EMSY: variants seen among roughly 807,000 people sequenced by gnomAD.
The protein encoded by EMSY is EMSY transcriptional repressor, BRCA2 interacting.
EMSY carries 26 observed loss-of-function variants against 134.6 expected under a neutral mutation model. The observed-to-expected ratio is 0.19, with a 90% CI of 0.14 to 0.27. The LOEUF (loss-of-function observed/expected upper bound fraction) is 0.27, where lower values mean the gene tolerates loss of function less well. EMSY is among the 10% of genes least tolerant of loss of function. The probability of loss-of-function intolerance (pLI) is 1.00; values close to 1 mark genes in which losing one functional copy is unlikely to be tolerated. For missense variants in EMSY, 1,305 were observed against 1,611.4 expected, an observed-to-expected ratio of 0.81 and a Z score of 3.26; for synonymous variants, 579 against 577.8, an observed-to-expected ratio of 1.00 and a Z score of -0.03.
At chr11:76,533,336 A>G (rs1170794882) in intron 14 of EMSY, among the ~76,000 whole-genome samples, 1 of 152,122 alleles carries the variant, frequency 6.6e-6, no homozygotes, top group Non-Finnish European at 1.5e-5. Context: ...TGGATTAAGG[A>G]AAAGAATTGG....
At chr11:76,458,751 G>C (rs1947981335) in intron 5 of EMSY, 2 of 157,400 alleles carry the variant, frequency 1.3e-5, no homozygotes, top group South Asian at 3.8e-4. Flanking sequence ...TCATTTTCTG[G>C]AATCAGTGAT....
chr11:76,541,836 A>G (rs1951452246), intron 17 of EMSY, among the ~76,000 whole-genome samples: 1 of 152,226 alleles, frequency 6.6e-6, no homozygotes, highest in East Asian at 1.9e-4. Flanking sequence ...ACAGAAATTG[A>G]TTACTGCTTT....
At chr11:76,507,872 T>C (rs1349941277) in intron 9 of EMSY, among the ~76,000 whole-genome samples, 3 of 147,908 alleles carry the variant, frequency 2.0e-5, no homozygotes, top group Non-Finnish European at 3.0e-5. Flanking sequence ...TTTCTTTTTT[T>C]TTTTTTTCTT....
chr11:76,521,006 A>G (rs944015677), intron 11 of EMSY, among the ~76,000 whole-genome samples: 1 of 152,224 alleles, frequency 6.6e-6, no homozygotes, highest in East Asian at 1.9e-4. Context: ...CAAAAGTAGC[A>G]TTGGAATTTG....
chr11:76,517,498 A>C (rs1264379007), intron 11 of EMSY, among the ~76,000 whole-genome samples: 1 of 152,132 alleles, frequency 6.6e-6, no homozygotes, highest in African/African-American at 2.4e-5. Flanking sequence ...TTTCATTGGT[A>C]GGTAGTTTTT....
chr11:76,533,750 A>G (rs142046280), intron 14 of EMSY, among the ~76,000 whole-genome samples: 158 of 152,294 alleles, frequency 1.0e-3, no homozygotes, highest in African/African-American at 3.8e-3. Flanking sequence ...CAGTGCAGAA[A>G]GACATCTGAG....
At chr11:76,528,640 T>G (rs1164601723) in intron 14 of EMSY, among the ~76,000 whole-genome samples, 174 bp downstream of exon 15, 2 of 151,858 alleles carry the variant, frequency 1.3e-5, no homozygotes, top group Admixed American at 6.6e-5. Flanking sequence ...GAAATTTTAT[T>G]TTTGGTAAAG....
Position 76,477,874 on chromosome 11 carries a change from T to C in EMSY, c.1108+5034T>C, listed in dbSNP as rs1209354494. Among the ~76,000 whole-genome samples, 6 of 152,212 alleles carry C rather than the reference T, an allele frequency of 3.9e-5. No homozygotes were observed. The East Asian group carries it at 1.2e-3, about 29-fold the overall frequency. On this transcript the variant is annotated intron_variant, in intron 8 of 20. Coordinates refer to ENST00000334736, the Ensembl canonical transcript of EMSY. ...TAGATTAATTGTTGCTACTGTTTTT[T>C]TTCTTTTACTTTGGTGAGAAAAATT...
intron 12 of EMSY, among the ~76,000 whole-genome samples, chr11:76,523,704 CTTTTTT>C (rs746491659): frequency 1.2e-5 from 1 of 80,536 alleles, no homozygotes; most frequent in Non-Finnish European, 2.3e-5. Context: ...TTGTTACTTT[CTTTTTT>C]TTTTTTTTTT....
exon 7 of EMSY, chr11:76,464,013 A>T (rs565642406): frequency 2.5e-6 from 4 of 1,614,194 alleles, no homozygotes; most frequent in Non-Finnish European, 3.4e-6. Context: ...TTACCACCCC[A>T]CATGTCTCCT....
rs760444278 is a variant in EMSY at position 76,549,924 on chromosome 11, A to G, written c.3775-28A>G. On this transcript the variant is annotated intron_variant, in intron 20 of 20. Transcript: ENST00000334736. Reference sequence around the variant, plus strand: ...TTATTCTGCTACCTTTTCTTACCATAAAGATTCTCCTGTGTCTTCTCTTCC... The same window carrying G: ...TTATTCTGCTACCTTTTCTTACCATGAAGATTCTCCTGTGTCTTCTCTTCC... 7.9e-6 allele frequency: 12 copies of G among 1,514,106 alleles called. No individual in the cohort carries two copies. In the South Asian group the frequency reaches 1.4e-4, roughly 18 times the overall value. The allele number at this position is 1,514,106 out of a possible 1,614,324, so 93.8% of individuals were successfully genotyped here.
At chr11:76,524,081 C>G (rs889655047) in intron 12 of EMSY, among the ~76,000 whole-genome samples, 1 of 152,120 alleles carries the variant, frequency 6.6e-6, no homozygotes, top group Admixed American at 6.5e-5. Context: ...ATAACAGATT[C>G]ATTTATAGTT....
At chr11:76,538,021 T>G (rs1951289370) in intron 16 of EMSY, 71 bp downstream of exon 17, 2 of 1,307,546 alleles carry the variant, frequency 1.5e-6, no homozygotes, top group Non-Finnish European at 2.1e-6. Flanking sequence ...GATGATTGTG[T>G]GGGGGAGAAT....
At chr11:76,527,777 GA>G (rs552943632) in intron 13 of EMSY, among the ~76,000 whole-genome samples, 48 of 136,524 alleles carry the variant, frequency 3.5e-4, no homozygotes, top group Admixed American at 4.4e-4. Flanking sequence ...AGTTTCTAAT[GA>G]AAAAAAAAAA....
intron 8 of EMSY, among the ~76,000 whole-genome samples, chr11:76,487,425 C>T (rs1368500480): frequency 2.0e-5 from 3 of 152,236 alleles, no homozygotes; most frequent in African/African-American, 7.2e-5. Context: ...ACAGCTGATA[C>T]AAGTATTCTG....
chr11:76,498,711 G>T (rs1429950388), intron 9 of EMSY, among the ~76,000 whole-genome samples: 3 of 151,972 alleles, frequency 2.0e-5, no homozygotes, highest in African/African-American at 7.3e-5. Context: ...ATGGTAACTA[G>T]CCTGCATTAG....
At chr11:76,530,084 T>C (rs1057387240) in intron 14 of EMSY, among the ~76,000 whole-genome samples, 5 of 151,844 alleles carry the variant, frequency 3.3e-5, no homozygotes, top group Admixed American at 3.3e-4. Flanking sequence ...AAATTGTTAG[T>C]CCTTTCCTAA....
At chr11:76,529,957 C>T (rs73495410) in intron 14 of EMSY, among the ~76,000 whole-genome samples, 2 of 151,808 alleles carry the variant, frequency 1.3e-5, no homozygotes, top group African/African-American at 2.4e-5. Context: ...TTTTTGCACT[C>T]GAGATATACA....
chr11:76,453,403 G>A lies in EMSY; in HGVS notation c.245+15G>A, dbSNP rs534914717. 3.2e-5 allele frequency: 52 copies of A among 1,608,316 alleles called. No homozygotes were observed. The highest frequency in any genetic ancestry group is 1.2e-4 in the Admixed American group (7 of 59,638). Reference sequence around the variant, plus strand: ...ATTGCACATAAGTAAGCCATTAGTCGTACCATCCCTGATTTTTTATGACAT... The same window carrying A: ...ATTGCACATAAGTAAGCCATTAGTCATACCATCCCTGATTTTTTATGACAT... On this transcript the variant is annotated intron_variant, in intron 4 of 20. Coordinates refer to ENST00000334736, the Ensembl canonical transcript of EMSY.
Sources: allele counts gnomAD v4.1 joint callset (sites outside exome capture counted in the v4.1 genomes callset), GRCh38; gene constraint gnomAD v4.1.1; transcripts MANE v1.5; gene names NCBI Gene and HGNC (gene_info 2026-07-23, HGNC 2026-07-21).